TRAPPC9: variants seen among roughly 807,000 people sequenced by gnomAD.
TRAPPC9 encodes IKK2 binding protein.
Under a neutral mutation model 124.0 loss-of-function variants are expected in TRAPPC9, and 83 were observed. The ratio of observed to expected loss-of-function variants is 0.67; its 90% confidence interval spans 0.56 to 0.80. TRAPPC9 has a LOEUF of 0.80. TRAPPC9 is among the 30% of genes least tolerant of loss of function. The probability of loss-of-function intolerance (pLI) is 0.00; values close to 1 mark genes in which losing one functional copy is unlikely to be tolerated. For synonymous variants in TRAPPC9, 638 were observed against 617.5 expected, an observed-to-expected ratio of 1.03 and a Z score of -0.49; for missense variants, 1,302 against 1,508.3, an observed-to-expected ratio of 0.86 and a Z score of 2.27.
chr8:140,404,498 A>C (rs2069401394), intron 6 of TRAPPC9, among the ~76,000 whole-genome samples: 3 of 152,244 alleles, frequency 2.0e-5, no homozygotes, highest in East Asian at 1.9e-4. Flanking sequence ...ACCTTTCCAC[A>C]CTCTCTGAAA....
chr8:139,864,032 C>T (rs1326122164), intron 21 of TRAPPC9, among the ~76,000 whole-genome samples: 1 of 152,166 alleles, frequency 6.6e-6, no homozygotes, highest in Admixed American at 6.5e-5. Context: ...CCCTGCCCTG[C>T]TAAGCACCCA....
intron 21 of TRAPPC9, 68 bp downstream of exon 21, chr8:139,885,811 C>T (rs1309218160): frequency 4.7e-6 from 7 of 1,479,382 alleles, no homozygotes; most frequent in Non-Finnish European, 6.5e-6. Flanking sequence ...CCCCCAAGAC[C>T]TTGCTCGTGC....
intron 15 of TRAPPC9, among the ~76,000 whole-genome samples, chr8:140,270,640 C>T (rs1475019054): frequency 6.6e-6 from 1 of 152,154 alleles, no homozygotes; most frequent in Admixed American, 6.5e-5. Context: ...GGAGCCCAGG[C>T]TTAGGCAGGC....
intron 17 of TRAPPC9, among the ~76,000 whole-genome samples, chr8:140,052,781 CAAA>C (rs34703292): frequency 7.4e-6 from 1 of 134,730 alleles, no homozygotes; most frequent in Non-Finnish European, 1.6e-5. Flanking sequence ...GACTCCGTCT[CAAA>C]AAAAAAAAAA....
At chr8:139,850,913 A>C (rs1827401355) in intron 21 of TRAPPC9, among the ~76,000 whole-genome samples, 1 of 152,246 alleles carries the variant, frequency 6.6e-6, no homozygotes, top group South Asian at 2.1e-4. Context: ...GGCAGGATCA[A>C]GATGAGTAAG....
At chr8:139,862,582 A>G (rs538267061) in intron 21 of TRAPPC9, among the ~76,000 whole-genome samples, 1 of 152,284 alleles carries the variant, frequency 6.6e-6, no homozygotes, top group East Asian at 1.9e-4. Flanking sequence ...TCCCAAGGAG[A>G]AGGAGTGATT....
At chr8:140,397,847 TCC>T in intron 6 of TRAPPC9, 102 bp from the exon 7 acceptor site, 1 of 1,487,626 alleles carries the variant, frequency 6.7e-7, no homozygotes, top group East Asian at 2.3e-5. Flanking sequence ...CAACAGCACT[TCC>T]CCCATCACAG....
rs953639451 is a variant in TRAPPC9, at chr8:139,835,921, A to G, written c.3055+49958T>C. On this transcript the variant is annotated intron_variant, in intron 21 of 22. Transcript: ENST00000438773. The stretch of plus-strand genomic sequence containing the variant: ...TGCCAGCTGTTTGGACAGGTTATAT[A>G]TATCTATATCTACCTACCCATCTAT... Among the ~76,000 whole-genome samples the G allele has an allele frequency of 3.9e-5, 6 of 152,170 alleles. No individual in the cohort carries two copies. The South Asian group carries it at 1.2e-3, about 31-fold the overall frequency.
At chr8:139,797,060 C>T (rs1247107703) in intron 21 of TRAPPC9, among the ~76,000 whole-genome samples, 1 of 152,210 alleles carries the variant, frequency 6.6e-6, no homozygotes, top group East Asian at 1.9e-4. Context: ...GAAAAAATTT[C>T]TATTCAAGTC....
intron 17 of TRAPPC9, among the ~76,000 whole-genome samples, chr8:140,106,073 A>G (rs548893679): frequency 1.1e-4 from 17 of 152,084 alleles, no homozygotes; most frequent in Non-Finnish European, 2.1e-4. Flanking sequence ...CAGATCAAAA[A>G]GCAACACCAA....
At chr8:140,405,374 A>T (rs868243147) in intron 6 of TRAPPC9, 3 of 528,722 alleles carry the variant, frequency 5.7e-6, no homozygotes, top group Middle Eastern at 5.2e-4. Flanking sequence ...TCTCTTTTCC[A>T]AATTTATTAT....
chr8:140,072,222 A>G (rs1170341136), intron 17 of TRAPPC9, among the ~76,000 whole-genome samples: 1 of 152,202 alleles, frequency 6.6e-6, no homozygotes, highest in East Asian at 1.9e-4. Context: ...TTATATTTCA[A>G]TAGATCTGAA....
intron 21 of TRAPPC9, among the ~76,000 whole-genome samples, chr8:139,801,834 T>C (rs72683236): frequency 0.051 from 7,728 of 152,304 alleles, 305 homozygotes; most frequent in East Asian, 0.12. Context: ...TTGCGGAGCA[T>C]GCAAACCCTG....
At chr8:140,077,194 C>G in intron 17 of TRAPPC9, among the ~76,000 whole-genome samples, 1 of 152,130 alleles carries the variant, frequency 6.6e-6, no homozygotes, top group Non-Finnish European at 1.5e-5. Flanking sequence ...GAAAATATAA[C>G]CACAAAATAT....
intron 19 of TRAPPC9, among the ~76,000 whole-genome samples, chr8:139,986,088 C>G (rs1417326825): frequency 6.6e-6 from 1 of 151,992 alleles, no homozygotes. Flanking sequence ...ACTAAAAATA[C>G]AAAAATTAGC....
intron 9 of TRAPPC9, among the ~76,000 whole-genome samples, chr8:140,319,996 G>A (rs1383515176): frequency 6.6e-6 from 1 of 152,180 alleles, no homozygotes; most frequent in Non-Finnish European, 1.5e-5. Flanking sequence ...CTCTGAACAG[G>A]TAGAGAATAG....
chr8:140,123,788 G>A (rs2061031297), intron 17 of TRAPPC9, among the ~76,000 whole-genome samples: 1 of 152,222 alleles, frequency 6.6e-6, no homozygotes, highest in Non-Finnish European at 1.5e-5. Flanking sequence ...ACAGTGCCTG[G>A]CCATCAAAGG....
In TRAPPC9 at chr8:140,444,568, T is replaced by C. The variant is rs188459098; in HGVS notation, c.585-5371A>G. ...AAACCCCTAACTCCGTGGAATAATA[T>C]AGAAAACCCCAGTCAGGAGCAGTGG... is the stretch of plus-strand genomic sequence containing the variant. On this transcript the variant is annotated intron_variant, in intron 2 of 22. Coordinates refer to ENST00000438773, the MANE Select transcript of TRAPPC9 (RefSeq NM_001160372.4). Among the ~76,000 whole-genome samples, 59 of 152,082 alleles carry C rather than the reference T, an allele frequency of 3.9e-4. No homozygotes were observed. In the East Asian group the frequency reaches 0.01, roughly 27 times the overall value.
chr8:139,850,698 C>T (rs1195097313), intron 21 of TRAPPC9, among the ~76,000 whole-genome samples: 1 of 152,208 alleles, frequency 6.6e-6, no homozygotes. Flanking sequence ...CATCTACCCA[C>T]TCATCAGTGG....
Sources: allele counts gnomAD v4.1 joint callset (sites outside exome capture counted in the v4.1 genomes callset), GRCh38; gene constraint gnomAD v4.1.1; transcripts MANE v1.5; gene names NCBI Gene and HGNC (gene_info 2026-07-23, HGNC 2026-07-21).